Variants in PDE4D observed in about 807,000 individuals in gnomAD.
PDE4D encodes the protein phosphodiesterase 4D, also known as 3',5'-cyclic-AMP phosphodiesterase 4D.
Under a neutral mutation model 87.4 loss-of-function variants are expected in PDE4D, and 24 were observed. That is an observed-to-expected ratio of 0.27 (90% CI 0.20 to 0.39). The LOEUF (loss-of-function observed/expected upper bound fraction) is 0.39, where lower values mean the gene tolerates loss of function less well. PDE4D is among the 10% of genes least tolerant of loss of function. The pLI, the probability that PDE4D is intolerant of heterozygous loss-of-function variation, is 1.00. For missense variants in PDE4D, 714 were observed against 1,041.0 expected (o/e 0.69, Z 4.32); for synonymous variants, 384 against 383.2 (o/e 1.00, Z -0.02).
chr5:60,138,461 T>C lies in PDE4D; in HGVS notation c.42+47096A>G, dbSNP rs564580310. 3.9e-5 allele frequency among the ~76,000 whole-genome samples: 6 copies of C among 152,238 alleles called. No individual in the cohort carries two copies. The East Asian group carries it at 1.2e-3, about 29-fold the overall frequency. On this transcript the variant is annotated intron_variant, in intron 2 of 16. Coordinates refer to the PDE4D transcript ENST00000502484. The stretch of plus-strand genomic sequence containing the variant: ...TTTTCCACAACACTTAGATTGCTAG[T>C]AGCCCTGTAATTCCAAATATATTAT...
intron 1 of PDE4D, among the ~76,000 whole-genome samples, chr5:60,335,408 T>C (rs1314340677): frequency 6.6e-6 from 1 of 152,198 alleles, no homozygotes; most frequent in Non-Finnish European, 1.5e-5. Flanking sequence ...TCTGCCCAGA[T>C]ACCAAAAGAC....
At chr5:59,004,358 G>C (rs1245626123) in intron 6 of PDE4D, among the ~76,000 whole-genome samples, 1 of 152,110 alleles carries the variant, frequency 6.6e-6, no homozygotes, top group Non-Finnish European at 1.5e-5. Context: ...TACCTTACAG[G>C]GTTGTTGTGA....
chr5:59,157,426 T>C (rs1273825605), intron 5 of PDE4D: 1 of 700,176 alleles, frequency 1.4e-6, no homozygotes. Context: ...GTGCTGTGGT[T>C]ACTGGGATAA....
intron 3 of PDE4D, among the ~76,000 whole-genome samples, chr5:59,190,869 G>T (rs986029982): frequency 1.3e-5 from 2 of 152,004 alleles, no homozygotes; most frequent in African/African-American, 4.8e-5. Flanking sequence ...TTCTAGTGGG[G>T]CTTTCCAGGT....
chr5:59,599,350 G>C (rs189533245), intron 1 of PDE4D, among the ~76,000 whole-genome samples: 1 of 150,748 alleles, frequency 6.6e-6, no homozygotes, highest in African/African-American at 2.4e-5. Flanking sequence ...GCCTCCCAAA[G>C]AGCTGGGATT....
chr5:59,893,311 G>C lies in PDE4D; in HGVS notation c.312C>G (p.Val104=), dbSNP rs373305291. 453 of 1,527,584 alleles carry C rather than the reference G, an allele frequency of 3.0e-4. 1 individual carries two copies. The African/African-American group carries it at 5.5e-3, about 18-fold the overall frequency. 94.6% of individuals were successfully genotyped at this position (1,527,584 alleles called of 1,614,324 possible). A position where few individuals can be genotyped will look rare whatever the true frequency, so the allele number is the denominator to read the frequency against. ...RYASSGATGR[V]RHRGYSDTER... is the part of the protein sequence containing the mutation. Reference sequence around the variant, plus strand: ...CGGTGTCCGAGTAGCCGCGATGCCGGACGCGGCCGGTGGCCCCGCTCGAGG... The same window carrying C: ...CGGTGTCCGAGTAGCCGCGATGCCGCACGCGGCCGGTGGCCCCGCTCGAGG... The change falls in exon 1 of 15, where the codon GTC becomes GTG. Residue 104 remains valine, a synonymous_variant. Transcript: ENST00000340635.
At chr5:59,995,879 G>A (rs1763483057) in intron 2 of PDE4D, among the ~76,000 whole-genome samples, 1 of 152,182 alleles carries the variant, frequency 6.6e-6, no homozygotes, top group Non-Finnish European at 1.5e-5. Context: ...AAATCTTGCT[G>A]AGGAAAGAGT....
chr5:59,355,756 G>A (rs1781280007), intron 1 of PDE4D, among the ~76,000 whole-genome samples: 1 of 152,008 alleles, frequency 6.6e-6, no homozygotes, highest in South Asian at 2.1e-4. Flanking sequence ...TGATTTTATA[G>A]TTCCCTAAAA....
chr5:60,385,532 GA>G (rs930177967), intron 1 of PDE4D, among the ~76,000 whole-genome samples: 1 of 152,194 alleles, frequency 6.6e-6, no homozygotes, highest in Non-Finnish European at 1.5e-5. Context: ...GGGAATATGA[GA>G]GGGGCACTGG....
intron 1 of PDE4D, among the ~76,000 whole-genome samples, chr5:59,793,236 A>G (rs1766031066): frequency 1.3e-5 from 2 of 152,198 alleles, no homozygotes; most frequent in Non-Finnish European, 2.9e-5. Flanking sequence ...TGTGAATACC[A>G]CAAACTTTTG....
chr5:59,908,323 TA>T (rs1753061432), intron 3 of PDE4D, among the ~76,000 whole-genome samples: 3 of 152,066 alleles, frequency 2.0e-5, no homozygotes, highest in African/African-American at 7.2e-5. Flanking sequence ...AACTTTTTTT[TA>T]AAAAACAAGA....
At chr5:60,035,732 G>A (rs2152863248) in intron 2 of PDE4D, among the ~76,000 whole-genome samples, 1 of 152,234 alleles carries the variant, frequency 6.6e-6, no homozygotes, top group East Asian at 1.9e-4. Context: ...TATATCAAAT[G>A]ACCAAGTTAA....
Position 59,226,802 on chromosome 5 carries a change from T to C in PDE4D, c.456-10834A>G, listed in dbSNP as rs188796907. Reference sequence around the variant, plus strand: ...TAGAAATCATGAGAACTTCAAGTAGTAAACATATACATTCAATCAGAATAC... The same window carrying C: ...TAGAAATCATGAGAACTTCAAGTAGCAAACATATACATTCAATCAGAATAC... On this transcript the variant is annotated intron_variant, in intron 1 of 14. Coordinates refer to ENST00000340635, the MANE Select transcript of PDE4D (RefSeq NM_001104631.2). Among the ~76,000 whole-genome samples, 10 of 152,184 alleles carry C rather than the reference T, an allele frequency of 6.6e-5. No homozygotes were observed. In the East Asian group the frequency reaches 1.9e-3, roughly 30 times the overall value.
At chr5:60,309,146 T>C (rs966894527) in intron 1 of PDE4D, among the ~76,000 whole-genome samples, 1 of 151,900 alleles carries the variant, frequency 6.6e-6, no homozygotes, top group African/African-American at 2.4e-5. Context: ...CAAGAAAAAG[T>C]CTCTAATACT....
intron 1 of PDE4D, among the ~76,000 whole-genome samples, chr5:59,699,356 T>G (rs1752246099): frequency 2.0e-5 from 3 of 151,970 alleles, no homozygotes; most frequent in Admixed American, 1.3e-4. Context: ...AAAAGAAAAA[T>G]AATAAAATAA....
intron 1 of PDE4D, among the ~76,000 whole-genome samples, chr5:59,362,959 A>G (rs1194956315): frequency 6.6e-6 from 1 of 152,188 alleles, no homozygotes; most frequent in Non-Finnish European, 1.5e-5. Flanking sequence ...CAACAGTCAT[A>G]AACTTTCCCA....
chr5:59,118,322 AC>A (rs1222062779), intron 5 of PDE4D, among the ~76,000 whole-genome samples: 2 of 152,046 alleles, frequency 1.3e-5, no homozygotes, highest in African/African-American at 4.8e-5. Flanking sequence ...GCCTTTCAAC[AC>A]GTTGTATTTT....
chr5:60,318,622 C>T (rs1562318712), intron 1 of PDE4D, among the ~76,000 whole-genome samples: 1 of 152,152 alleles, frequency 6.6e-6, no homozygotes, highest in Non-Finnish European at 1.5e-5. Flanking sequence ...GTGGCTGGTA[C>T]TGGTTTTTCC....
chr5:58,971,230 G>GT lies in PDE4D; in HGVS notation c.*3433dup, dbSNP rs1032223584. 1.3e-5 allele frequency: 2 copies of GT among 152,248 alleles called. No homozygotes were observed. Among genetic ancestry groups the GT allele is most frequent in the East Asian group, 1.9e-4 (1 of 5,196 alleles). The allele number at this position is 152,248 out of a possible 1,614,324, so 9.4% of individuals were successfully genotyped here. A position where few individuals can be genotyped will look rare whatever the true frequency, so the allele number is the denominator to read the frequency against. On this transcript the variant is annotated 3_prime_UTR_variant, in exon 15 of 15. Coordinates refer to ENST00000340635, the MANE Select transcript of PDE4D (RefSeq NM_001104631.2). ...CCTGGGACCAAAGACCTGCAGCTATGTTTTTTTAAATTTATATATCTTTAA... is the reference window on the plus strand; with the variant it reads ...CCTGGGACCAAAGACCTGCAGCTATGTTTTTTTTAAATTTATATATCTTTAA...
Sources: gnomAD v4.1 joint callset for allele counts (sites outside exome capture counted in the v4.1 genomes callset) on GRCh38, gnomAD v4.1.1 for gene constraint, MANE v1.5 for transcripts, NCBI Gene and HGNC (gene_info 2026-07-23, HGNC 2026-07-21) for gene names.